Variants in LDLRAD3 observed in about 807,000 individuals in gnomAD.
LDLRAD3 encodes low-density lipoprotein receptor class A domain-containing protein 3.
In LDLRAD3, 20 loss-of-function variants were observed where a neutral mutation model predicts 29.4. The observed-to-expected ratio is 0.68, with a 90% CI of 0.48 to 0.99. The LOEUF (loss-of-function observed/expected upper bound fraction) is 0.99, where lower values mean the gene tolerates loss of function less well. Among genes scored for constraint, LDLRAD3 ranks in the 50% least tolerant of loss-of-function variants. The probability of loss-of-function intolerance (pLI) is 0.00; values close to 1 mark genes in which losing one functional copy is unlikely to be tolerated. For synonymous variants in LDLRAD3, 157 were observed against 192.7 expected, an observed-to-expected ratio of 0.81 and a Z score of 1.53; for missense variants, 420 against 454.3, an observed-to-expected ratio of 0.92 and a Z score of 0.69.
At chr11:36,207,729 G>T (rs181177489) in intron 4 of LDLRAD3, among the ~76,000 whole-genome samples, 41 of 152,222 alleles carry the variant, frequency 2.7e-4, no homozygotes, top group Non-Finnish European at 5.0e-4. Flanking sequence ...ACGGGAAAGG[G>T]ATCACAAAAG....
chr11:36,170,835 C>G lies in LDLRAD3; in HGVS notation c.455-56250C>G, dbSNP rs919729462. Among the ~76,000 whole-genome samples, 3 of 151,338 alleles carry G rather than the reference C, an allele frequency of 2.0e-5. No individual in the cohort carries two copies. In the East Asian group the frequency reaches 5.8e-4, roughly 29 times the overall value. ...TTTTTTTTTTTGAGACGGAGTCTCCCTCTGTTGCCAGGTTGGAGTGCAGGG... is the reference window on the plus strand; with the variant it reads ...TTTTTTTTTTTGAGACGGAGTCTCCGTCTGTTGCCAGGTTGGAGTGCAGGG... On this transcript the variant is annotated intron_variant, in intron 4 of 5. Coordinates refer to ENST00000315571, the MANE Select transcript of LDLRAD3 (RefSeq NM_174902.4).
chr11:36,180,931 A>G (rs891394774), intron 4 of LDLRAD3, among the ~76,000 whole-genome samples: 2 of 152,166 alleles, frequency 1.3e-5, no homozygotes, highest in Non-Finnish European at 2.9e-5. Flanking sequence ...GCCTAAAGAA[A>G]TGGAAGGACG....
At chr11:36,174,194 A>G (rs1386269059) in intron 4 of LDLRAD3, among the ~76,000 whole-genome samples, 1 of 152,204 alleles carries the variant, frequency 6.6e-6, no homozygotes, top group Non-Finnish European at 1.5e-5. Context: ...CCTTCCTTAC[A>G]CCTTACACAA....
In LDLRAD3 at chr11:36,227,245, G is replaced by A. The variant is rs199984146; in HGVS notation, c.615G>A (p.Thr205=). The A allele has an allele frequency of 2.8e-5, 45 of 1,614,060 alleles. No individual in the cohort carries two copies. The highest frequency in any genetic ancestry group is 1.6e-4 in the Middle Eastern group (1 of 6,084). Residue 205 remains threonine, a synonymous_variant, in exon 5 of 6, where the codon ACG becomes ACA. Coordinates refer to ENST00000315571, the MANE Select transcript of LDLRAD3 (RefSeq NM_174902.4). ...AGCGGAAGCGGAACAACCTCATGAC[G>A]CTGCCCGTGCACCGGCTGCAGCACC... is the stretch of plus-strand genomic sequence containing the variant. ...HHQRKRNNLM[T]LPVHRLQHPV... is the part of the protein sequence containing the mutation.
At chr11:36,179,887 A>T (rs1211479014) in intron 4 of LDLRAD3, among the ~76,000 whole-genome samples, 1 of 152,014 alleles carries the variant, frequency 6.6e-6, no homozygotes, top group African/African-American at 2.4e-5. Flanking sequence ...GGTCCTAGCT[A>T]CTTGGGAGGC....
chr11:36,008,814 C>T (rs1362305533), intron 1 of LDLRAD3, among the ~76,000 whole-genome samples: 1 of 152,188 alleles, frequency 6.6e-6, no homozygotes, highest in African/African-American at 2.4e-5. Context: ...GAAGTACTGC[C>T]TTGTTTTCCT....
At chr11:35,990,792 G>T (rs2133166836) in intron 1 of LDLRAD3, among the ~76,000 whole-genome samples, 1 of 152,268 alleles carries the variant, frequency 6.6e-6, no homozygotes, top group East Asian at 1.9e-4. Flanking sequence ...ACCACTCATT[G>T]CATTAGAACT....
chr11:35,996,583 A>G lies in LDLRAD3; in HGVS notation c.47-39520A>G, dbSNP rs114470123. On this transcript the variant is annotated intron_variant, in intron 1 of 5. Transcript: ENST00000315571. ...GCGTTCAGGATTGCCATAGACCTTC[A>G]GTTTGTGAAAAATATAATACTTATG... Among the ~76,000 whole-genome samples, 226 of 152,324 alleles carry G rather than the reference A, an allele frequency of 1.5e-3. 2 individuals are homozygous for G. Among genetic ancestry groups the G allele is most frequent in the African/African-American group, 5.2e-3 (217 of 41,578 alleles).
chr11:36,148,247 C>T (rs532459816), intron 4 of LDLRAD3, among the ~76,000 whole-genome samples: 1 of 152,212 alleles, frequency 6.6e-6, no homozygotes, highest in African/African-American at 2.4e-5. Flanking sequence ...AAAAGGAGCC[C>T]AGTGATGGTC....
chr11:36,014,109 T>C (rs1246840690), intron 1 of LDLRAD3, among the ~76,000 whole-genome samples: 1 of 152,228 alleles, frequency 6.6e-6, no homozygotes, highest in East Asian at 1.9e-4. Context: ...TGCTGAGGTG[T>C]TCCTTCCACG....
chr11:35,946,584 C>T (rs1851060009), intron 1 of LDLRAD3, among the ~76,000 whole-genome samples: 1 of 152,118 alleles, frequency 6.6e-6, no homozygotes, highest in African/African-American at 2.4e-5. Context: ...TCCAGTTTTC[C>T]TGCATGTGGG....
At chr11:35,948,569 T>G (rs2133122520) in intron 1 of LDLRAD3, among the ~76,000 whole-genome samples, 1 of 152,272 alleles carries the variant, frequency 6.6e-6, no homozygotes, top group Middle Eastern at 3.4e-3. Flanking sequence ...AGATGTTTGC[T>G]GGGAGAGCAG....
At chr11:36,004,459 G>A (rs536977649) in intron 1 of LDLRAD3, among the ~76,000 whole-genome samples, 47 of 152,288 alleles carry the variant, frequency 3.1e-4, no homozygotes, top group African/African-American at 1.1e-3. Context: ...GGCTCTCAAG[G>A]CCTTGGGCAT....
chr11:35,991,279 T>A (rs929893477), intron 1 of LDLRAD3, among the ~76,000 whole-genome samples: 3 of 152,228 alleles, frequency 2.0e-5, no homozygotes, highest in Admixed American at 2.0e-4. Context: ...TGCTTAACAA[T>A]GCAAACTAGA....
chr11:36,017,125 A>G (rs577410700), intron 1 of LDLRAD3, among the ~76,000 whole-genome samples: 27 of 152,204 alleles, frequency 1.8e-4, no homozygotes, highest in Non-Finnish European at 3.2e-4. Context: ...TTGCCTTTGA[A>G]AGATTTTTAG....
Position 35,973,771 on chromosome 11 carries a change from A to G in LDLRAD3, c.46+29627A>G, listed in dbSNP as rs147378138. 2.6e-3 allele frequency among the ~76,000 whole-genome samples: 395 copies of G among 152,002 alleles called. 1 individual carries two copies. Among genetic ancestry groups the G allele is most frequent in the Non-Finnish European group, 4.5e-3 (306 of 67,980 alleles). ...CAGGCGTGAGTCACCGTGCCCAATC[A>G]CATTTGTAGTTTTGATAGTTACTGC... is the stretch of plus-strand genomic sequence containing the variant. On this transcript the variant is annotated intron_variant, in intron 1 of 5. Coordinates refer to ENST00000315571, the MANE Select transcript of LDLRAD3 (RefSeq NM_174902.4).
At chr11:35,999,594 C>A (rs151031021) in intron 1 of LDLRAD3, among the ~76,000 whole-genome samples, 47 of 152,222 alleles carry the variant, frequency 3.1e-4, no homozygotes, top group African/African-American at 1.0e-3. Context: ...ATGTCCACGA[C>A]CTGCCCAATC....
chr11:36,017,282 T>G (rs1332699314), intron 1 of LDLRAD3, among the ~76,000 whole-genome samples: 6 of 152,188 alleles, frequency 3.9e-5, no homozygotes, highest in African/African-American at 1.4e-4. Context: ...TGAAGCTTTC[T>G]GGGGCATTTT....
At chr11:36,167,760 G>T (rs1029990990) in intron 4 of LDLRAD3, among the ~76,000 whole-genome samples, 1 of 152,160 alleles carries the variant, frequency 6.6e-6, no homozygotes, top group Admixed American at 6.5e-5. Context: ...TTCATGCCAC[G>T]CAGTTCATGG....
Sources: gnomAD v4.1 joint callset for allele counts (sites outside exome capture counted in the v4.1 genomes callset) on GRCh38, gnomAD v4.1.1 for gene constraint, MANE v1.5 for transcripts, NCBI Gene and HGNC (gene_info 2026-07-23, HGNC 2026-07-21) for gene names.